The following ATOSA variants were observed in gnomAD, a reference collection of about 807,000 sequenced individuals.
ATOSA encodes the protein atos homolog protein A.
the ATOSA span, among the ~76,000 whole-genome samples, chr15:52,615,411 TCAAG>T: frequency 6.6e-6 from 1 of 152,216 alleles, no homozygotes; most frequent in Non-Finnish European, 1.5e-5. Flanking sequence ...TCTCGGCCAA[TCAAG>T]CAACAAATAT....
chr15:52,663,836 G>A, the ATOSA span, among the ~76,000 whole-genome samples: 1 of 151,870 alleles, frequency 6.6e-6, no homozygotes, highest in Non-Finnish European at 1.5e-5. Context: ...ATGTCACCCA[G>A]GCTCATCTTG....
the ATOSA span, among the ~76,000 whole-genome samples, chr15:52,635,043 T>C: frequency 6.6e-6 from 1 of 152,198 alleles, no homozygotes; most frequent in Non-Finnish European, 1.5e-5. Context: ...AAAGTGATAT[T>C]GCTAGTGATG....
chr15:52,629,387 CA>C, the ATOSA span, among the ~76,000 whole-genome samples: 1 of 151,862 alleles, frequency 6.6e-6, no homozygotes, highest in Non-Finnish European at 1.5e-5. Context: ...TCTTGGGGTT[CA>C]CTCAGGATGT....
the ATOSA span, among the ~76,000 whole-genome samples, chr15:52,610,977 ATCTC>A: frequency 1.3e-5 from 2 of 152,214 alleles, no homozygotes; most frequent in Admixed American, 6.5e-5. Flanking sequence ...GTCAATCCAA[ATCTC>A]TCTAACTTGT....
At chr15:52,677,680 T>C in the ATOSA span, among the ~76,000 whole-genome samples, 133 of 152,314 alleles carry the variant, frequency 8.7e-4, no homozygotes, top group Admixed American at 2.5e-3. Flanking sequence ...TGAAGTTAGA[T>C]TGACTACCTA....
chr15:52,674,977 A>G, the ATOSA span, among the ~76,000 whole-genome samples: 3,480 of 152,154 alleles, frequency 0.023, 114 homozygotes, highest in African/African-American at 0.072. Flanking sequence ...AACTGTGAGA[A>G]GTTGGAATTA....
chr15:52,601,124 A>C, the ATOSA span: 1 of 1,545,574 alleles, frequency 6.5e-7, no homozygotes, highest in Non-Finnish European at 8.7e-7. Flanking sequence ...GTAATGAAGA[A>C]TCCAGATCAA....
chr15:52,692,614 A>T, the ATOSA span, among the ~76,000 whole-genome samples: 1 of 152,140 alleles, frequency 6.6e-6, no homozygotes, highest in South Asian at 2.1e-4. Flanking sequence ...TTGGCCTCCC[A>T]AAGTGCTGGG....
chr15:52,674,884 C>T, the ATOSA span, among the ~76,000 whole-genome samples: 1 of 150,496 alleles, frequency 6.6e-6, no homozygotes, highest in Admixed American at 6.6e-5. Flanking sequence ...AATATATAAG[C>T]ATTTGTAATG....
chr15:52,587,414 C>T, the ATOSA span: 61 of 479,222 alleles, frequency 1.3e-4, 2 homozygotes, highest in South Asian at 1.6e-3. Flanking sequence ...CTGGTGATGT[C>T]GCTATAAAGA....
At chr15:52,674,650 A>G in the ATOSA span, among the ~76,000 whole-genome samples, 1 of 152,154 alleles carries the variant, frequency 6.6e-6, no homozygotes, top group Non-Finnish European at 1.5e-5. Context: ...TCAGATAACT[A>G]TATATTAAAA....
chr15:52,609,134 T>C, the ATOSA span: 1 of 1,613,614 alleles, frequency 6.2e-7, no homozygotes, highest in Non-Finnish European at 8.5e-7. Flanking sequence ...GTACTTTGGA[T>C]GATTTCACTA....
At chr15:52,624,648 A>G in the ATOSA span, among the ~76,000 whole-genome samples, 3,595 of 152,298 alleles carry the variant, frequency 0.024, 115 homozygotes, top group African/African-American at 0.075. Flanking sequence ...ATATCAACCT[A>G]TTCATTTCTT....
the ATOSA span, among the ~76,000 whole-genome samples, chr15:52,620,154 ACTTTG>A: frequency 6.6e-6 from 1 of 152,206 alleles, no homozygotes; most frequent in Non-Finnish European, 1.5e-5. Flanking sequence ...CATTGGGAAA[ACTTTG>A]AACAACTGGG....
At chr15:52,676,680 T>A in the ATOSA span, among the ~76,000 whole-genome samples, 2 of 152,200 alleles carry the variant, frequency 1.3e-5, no homozygotes, top group African/African-American at 4.8e-5. Flanking sequence ...TTGTTTCCCC[T>A]AAAAATCTAT....
the ATOSA span, among the ~76,000 whole-genome samples, chr15:52,637,968 C>T: frequency 6.6e-6 from 1 of 152,126 alleles, no homozygotes; most frequent in Non-Finnish European, 1.5e-5. Flanking sequence ...GTTTCTACTT[C>T]TTTTTCTTGT....
At chr15:52,611,289 G>A in the ATOSA span, 1 of 1,604,590 alleles carries the variant, frequency 6.2e-7, no homozygotes. Context: ...TTAAATGTAG[G>A]CAAGTACAAA....
chr15:52,655,809 C>A, the ATOSA span, among the ~76,000 whole-genome samples: 2 of 152,046 alleles, frequency 1.3e-5, no homozygotes, highest in African/African-American at 4.8e-5. Context: ...GGAGGAAAGC[C>A]ACAAATTCAA....
chr15:52,612,412 T>C, the ATOSA span, among the ~76,000 whole-genome samples: 1 of 152,128 alleles, frequency 6.6e-6, no homozygotes, highest in South Asian at 2.1e-4. Context: ...ACTTTATTAA[T>C]TTCATCATTT....
Sources: gnomAD v4.1 joint callset for allele counts (sites outside exome capture counted in the v4.1 genomes callset) on GRCh38, gnomAD v4.1.1 for gene constraint, MANE v1.5 for transcripts, NCBI Gene and HGNC (gene_info 2026-07-23, HGNC 2026-07-21) for gene names.